UBALD1: variants seen among roughly 807,000 people sequenced by gnomAD.
UBALD1 encodes the protein UBA like domain containing 1.
UBALD1 carries 5 observed loss-of-function variants against 16.1 expected under a neutral mutation model. The ratio of observed to expected loss-of-function variants is 0.31; its 90% CI spans 0.16 to 0.66. The LOEUF (loss-of-function observed/expected upper bound fraction) is 0.66. Ranked by LOEUF, UBALD1 falls within the 30% of genes least tolerant of loss-of-function variation. The pLI is 0.77. For missense variants in UBALD1, 220 were observed against 252.8 expected (o/e 0.87, Z 0.88); for synonymous variants, 146 against 105.3 (o/e 1.39, Z -2.37).
chr16:4,612,865 A>T (rs1294052038), intron 1 of UBALD1, among the ~76,000 whole-genome samples: 3 of 152,036 alleles, frequency 2.0e-5, no homozygotes, highest in African/African-American at 7.2e-5. Flanking sequence ...TTGGGAGTGG[A>T]GGGCACAGGG....
chr16:4,609,354 C>A lies in UBALD1; in HGVS notation c.*279G>T. The A allele has an allele frequency of 3.0e-6, 1 of 337,456 alleles. No homozygotes were observed. Among genetic ancestry groups the A allele is most frequent in the Non-Finnish European group, 5.3e-6 (1 of 187,282 alleles). The allele number at this position is 337,456 out of a possible 1,614,324, so 20.9% of individuals were successfully genotyped here. A position where few individuals can be genotyped will look rare whatever the true frequency, so the allele number is the denominator to read the frequency against. ...GGGCTGGGCTGGGCAGGTGCGTCTT[C>A]GAAGGAAGGCTGCGTGGTCTCTGAA... On this transcript the variant is annotated 3_prime_UTR_variant, in exon 3 of 3. Transcript: ENST00000283474.
In UBALD1 at chr16:4,610,386, C is replaced by T. The variant is rs113861542; in HGVS notation, c.183+107G>A. The T allele has an allele frequency of 6.3e-6, 8 of 1,270,328 alleles. No individual in the cohort carries two copies. The African/African-American group carries it at 8.9e-5, about 14-fold the overall frequency. 78.7% of individuals were successfully genotyped at this position (1,270,328 alleles called of 1,614,324 possible). A position where few individuals can be genotyped will look rare whatever the true frequency, so the allele number is the denominator to read the frequency against. ...ACCCATCTCCAAAGAGGTCGAGCCC[C>T]GCCTGCACCAGCGCCCTCGTACACC... On this transcript the variant is annotated intron_variant, in intron 2 of 2. Transcript: ENST00000283474.
chr16:4,613,235 G>C lies in UBALD1; in HGVS notation c.120+1443C>G, dbSNP rs150525633. Reference sequence around the variant, plus strand: ...AGGAGGGAAGCAGGGAGCTTCCTCCGGGTGGGGCTGCCTTGGGGCACAGGG... The same window carrying C: ...AGGAGGGAAGCAGGGAGCTTCCTCCCGGTGGGGCTGCCTTGGGGCACAGGG... On this transcript the variant is annotated intron_variant, in intron 1 of 2. Coordinates refer to ENST00000283474, the MANE Select transcript of UBALD1 (RefSeq NM_145253.3). Among the ~76,000 whole-genome samples, 375 of 152,272 alleles carry C rather than the reference G, an allele frequency of 2.5e-3. 4 individuals carry two copies. The highest frequency in any genetic ancestry group is 8.8e-3 in the African/African-American group (366 of 41,554).
At chr16:4,611,772 G>A (rs956887495) in intron 1 of UBALD1, among the ~76,000 whole-genome samples, 7 of 152,234 alleles carry the variant, frequency 4.6e-5, no homozygotes, top group African/African-American at 1.4e-4. Context: ...CTATGTCCTG[G>A]CTGAGGCCCT....
At chr16:4,612,885 T>A (rs976862415) in intron 1 of UBALD1, among the ~76,000 whole-genome samples, 1 of 151,688 alleles carries the variant, frequency 6.6e-6, no homozygotes, top group African/African-American at 2.4e-5. Context: ...GCTCCTCCCA[T>A]GGGGACCCTG....
intron 2 of UBALD1, 108 bp downstream of exon 2, chr16:4,610,385 C>G (rs536289919): frequency 1.6e-6 from 2 of 1,260,876 alleles, no homozygotes; most frequent in Admixed American, 2.5e-5. Flanking sequence ...AGGTCGAGCC[C>G]CGCCTGCACC....
chr16:4,611,799 C>T (rs368358743), intron 1 of UBALD1, among the ~76,000 whole-genome samples: 37 of 152,282 alleles, frequency 2.4e-4, no homozygotes, highest in African/African-American at 8.9e-4. Flanking sequence ...GTGGGGAGGC[C>T]TGTCCCAGGA....
intron 1 of UBALD1, 75 bp downstream of exon 1, chr16:4,614,603 C>T: frequency 7.8e-7 from 1 of 1,286,008 alleles, no homozygotes; most frequent in Non-Finnish European, 9.8e-7. Flanking sequence ...CCACGCCGTC[C>T]GCCCCCGCCC....
chr16:4,614,576 G>A (rs1453243835), intron 1 of UBALD1, 102 bp downstream of exon 1: 2 of 1,275,502 alleles, frequency 1.6e-6, no homozygotes, highest in Admixed American at 4.0e-5. Flanking sequence ...CGGAGGGGGC[G>A]CACAGCCGGC....
chr16:4,610,595 G>C, intron 1 of UBALD1, 40 bp from the exon 2 acceptor site: 2 of 1,581,112 alleles, frequency 1.3e-6, no homozygotes, highest in Non-Finnish European at 1.7e-6. Context: ...CCAGGCCCCC[G>C]CCGGCCCTGC....
chr16:4,614,164 C>T, intron 1 of UBALD1: 1 of 236,576 alleles, frequency 4.2e-6, no homozygotes. Context: ...CGCAGGTCCG[C>T]CACCTCCCCG....
chr16:4,610,847 G>A lies in UBALD1; in HGVS notation c.121-292C>T, dbSNP rs558903995. 2.9e-5 allele frequency: 13 copies of A among 454,396 alleles called. No individual in the cohort carries two copies. In the East Asian group the frequency reaches 3.7e-4, roughly 13 times the overall value. 28.1% of individuals were successfully genotyped at this position (454,396 alleles called of 1,614,324 possible). On this transcript the variant is annotated intron_variant, in intron 1 of 2. Coordinates refer to ENST00000283474, the MANE Select transcript of UBALD1 (RefSeq NM_145253.3). Reference sequence around the variant, plus strand: ...GCAGAGCCCTCCCCCTGCACCAGCTGGCACCAGCACCATGACTGGGGGAGG... The same window carrying A: ...GCAGAGCCCTCCCCCTGCACCAGCTAGCACCAGCACCATGACTGGGGGAGG...
intron 1 of UBALD1, chr16:4,614,394 T>C: frequency 2.8e-6 from 1 of 357,950 alleles, no homozygotes; most frequent in Non-Finnish European, 4.7e-6. Context: ...CCTCGGCCGT[T>C]ACCCGGACAA....
chr16:4,609,864 G>C lies in UBALD1; in HGVS notation c.303C>G (p.Ala101=), dbSNP rs765500390. 1 of 1,526,198 alleles carries C rather than the reference G, an allele frequency of 6.6e-7. No individual in the cohort carries two copies. Among genetic ancestry groups the C allele is most frequent in the Non-Finnish European group, 8.8e-7 (1 of 1,136,042 alleles). The allele number at this position is 1,526,198 out of a possible 1,614,324, so 94.5% of individuals were successfully genotyped here. Reference sequence around the variant, plus strand: ...GTGGCGGGGGTGACGTGGCTGTCGCGGCCATCGGGCTGCCGCTGCCACCGC... The same window carrying C: ...GTGGCGGGGGTGACGTGGCTGTCGCCGCCATCGGGCTGCCGCTGCCACCGC... The part of the protein sequence containing the change: ...FHSGGSGSPM[A]ATATSPPPHF... Residue 101 remains alanine, a synonymous_variant, in exon 3 of 3, where the codon GCC becomes GCG. Transcript: ENST00000283474.
Position 4,612,063 on chromosome 16 carries a change from ATT to A in UBALD1, c.121-1510_121-1509del, listed in dbSNP as rs35403269. 6.0e-3 allele frequency among the ~76,000 whole-genome samples: 699 copies of A among 117,146 alleles called. 1 individual carries two copies. Among genetic ancestry groups the A allele is most frequent in the Non-Finnish European group, 8.9e-3 (481 of 53,798 alleles). 76.9% of individuals were successfully genotyped at this position (117,146 alleles called of 152,430 possible). ...GGGGTATGGGTGGGAGGCTATTTAG[ATT>A]TTTTTTTTTTTTTTTTTTGAGACGG... On this transcript the variant is annotated intron_variant, in intron 1 of 2. Coordinates refer to ENST00000283474, the MANE Select transcript of UBALD1 (RefSeq NM_145253.3).
chr16:4,610,685 G>T, intron 1 of UBALD1, 130 bp from the exon 2 acceptor site: 1 of 1,020,576 alleles, frequency 9.8e-7, no homozygotes, highest in Non-Finnish European at 1.4e-6. Flanking sequence ...GAGTCGCGGT[G>T]CTGAGGCTCA....
intron 1 of UBALD1, 156 bp downstream of exon 1, chr16:4,614,522 G>A: frequency 8.0e-7 from 1 of 1,253,794 alleles, no homozygotes; most frequent in Non-Finnish European, 1.0e-6. Context: ...TTGGGATCCG[G>A]ACGCCGGGCA....
At chr16:4,613,197 G>T (rs1205878997) in intron 1 of UBALD1, among the ~76,000 whole-genome samples, 1 of 152,158 alleles carries the variant, frequency 6.6e-6, no homozygotes, top group Non-Finnish European at 1.5e-5. Context: ...GGCTGATGAG[G>T]GCTGTGGAGA....
At chr16:4,612,660 C>A (rs1266552733) in intron 1 of UBALD1, among the ~76,000 whole-genome samples, 1 of 152,152 alleles carries the variant, frequency 6.6e-6, no homozygotes, top group Non-Finnish European at 1.5e-5. Flanking sequence ...CAGCCTCCTG[C>A]CCCCATTAGC....
Sources: allele counts gnomAD v4.1 joint callset (sites outside exome capture counted in the v4.1 genomes callset), GRCh38; gene constraint gnomAD v4.1.1; transcripts MANE v1.5; gene names NCBI Gene and HGNC (gene_info 2026-07-23, HGNC 2026-07-21).